The following SLC25A25 variants were observed in gnomAD, a reference collection of about 807,000 sequenced individuals.
SLC25A25 encodes the protein mitochondrial adenyl nucleotide antiporter SLC25A25.
In SLC25A25, 32 loss-of-function variants were observed where a neutral mutation model predicts 57.7. The ratio of observed to expected loss-of-function variants is 0.55; its 90% confidence interval spans 0.42 to 0.74. SLC25A25 has a LOEUF of 0.74. Among genes scored for constraint, SLC25A25 ranks in the 30% least tolerant of loss-of-function variants. SLC25A25 has a pLI of 0.00. For missense variants in SLC25A25, 556 were observed against 701.3 expected (o/e 0.79, Z 2.34); for synonymous variants, 306 against 291.2 (o/e 1.05, Z -0.52).
intron 1 of SLC25A25, among the ~76,000 whole-genome samples, chr9:128,087,726 GTTTGT>G (rs936195835): frequency 6.6e-6 from 1 of 152,138 alleles, no homozygotes; most frequent in African/African-American, 2.4e-5. Flanking sequence ...CCAGTGCTCT[GTTTGT>G]TTTGTTTCCT....
In SLC25A25 at chr9:128,103,606, A is replaced by G. The variant is rs1159311032; in HGVS notation, c.625-75A>G. Reference sequence around the variant, plus strand: ...GGTCCCTGGCCTGGAGCCGTGCTAGAGGGTAGACGGCGACAGGTGCCAGCA... The same window carrying G: ...GGTCCCTGGCCTGGAGCCGTGCTAGGGGGTAGACGGCGACAGGTGCCAGCA... On this transcript the variant is annotated intron_variant, in intron 5 of 10. Coordinates refer to ENST00000373069, the MANE Select transcript of SLC25A25 (RefSeq NM_001330988.2). This position sits in a 1 kb window ranked among gnomAD's most constrained non-coding sequence, Gnocchi z 6.7. The G allele has an allele frequency of 3.8e-6, 6 of 1,593,994 alleles. No homozygotes were observed. Among genetic ancestry groups the G allele is most frequent in the African/African-American group, 1.3e-5 (1 of 74,474 alleles).
intron 1 of SLC25A25, among the ~76,000 whole-genome samples, chr9:128,073,052 T>C (rs1486923199): frequency 1.3e-5 from 2 of 152,132 alleles, no homozygotes; most frequent in East Asian, 3.9e-4. Flanking sequence ...CAAAAATTTG[T>C]TAAGTAAGCA....
intron 1 of SLC25A25, among the ~76,000 whole-genome samples, chr9:128,075,472 C>CAG (rs1359281533): frequency 6.6e-6 from 1 of 151,868 alleles, no homozygotes; most frequent in Non-Finnish European, 1.5e-5. Flanking sequence ...CGCTTGAGCT[C>CAG]AGGAGTTCAA....
Position 128,103,576 on chromosome 9 carries a change from C to T in SLC25A25, c.625-105C>T. 6.9e-7 allele frequency: 1 copy of T among 1,443,232 alleles called. No individual in the cohort carries two copies. Among genetic ancestry groups the T allele is most frequent in the Non-Finnish European group, 9.6e-7 (1 of 1,037,358 alleles). The allele number at this position is 1,443,232 out of a possible 1,614,324, so 89.4% of individuals were successfully genotyped here. On this transcript the variant is annotated intron_variant, in intron 5 of 10. Coordinates refer to ENST00000373069, the MANE Select transcript of SLC25A25 (RefSeq NM_001330988.2). The surrounding 1 kb of genome is among the most constrained non-coding windows in gnomAD (Gnocchi z 6.7). ...CCAGAGTCCTTGGCCTTCTCCCTGT[C>T]CTGTGGTCCCTGGCCTGGAGCCGTG...
chr9:128,071,278 G>A (rs1832902893), intron 1 of SLC25A25, among the ~76,000 whole-genome samples: 1 of 152,136 alleles, frequency 6.6e-6, no homozygotes, highest in Non-Finnish European at 1.5e-5. Flanking sequence ...AGAGAGCCTA[G>A]CCCCTTGGGG....
intron 1 of SLC25A25, among the ~76,000 whole-genome samples, chr9:128,096,557 T>A (rs543052561): frequency 6.6e-6 from 1 of 152,344 alleles, no homozygotes; most frequent in Non-Finnish European, 1.5e-5. Flanking sequence ...TTGAATATAA[T>A]GCCCTGACAA....
chr9:128,091,845 A>G, intron 1 of SLC25A25: 1 of 1,588,568 alleles, frequency 6.3e-7, no homozygotes, highest in Non-Finnish European at 8.6e-7. Flanking sequence ...AACAGTCGCC[A>G]TCAGAGGCGT....
At position 128,102,347 on chromosome 9, in the gene SLC25A25, G is replaced by A; in HGVS notation, c.513-23G>A. ...GGCGGATGGGCATGTGGGCACGTGG[G>A]CAGCCTCGCCTCTGTCTTGCAGCAT... On this transcript the variant is annotated intron_variant, in intron 4 of 10. Transcript: ENST00000373069. This position sits in a 1 kb window ranked among gnomAD's most constrained non-coding sequence, Gnocchi z 4.1. 6.2e-7 allele frequency: 1 copy of A among 1,601,900 alleles called. No homozygotes were observed. The highest frequency in any genetic ancestry group is 8.6e-7 in the Non-Finnish European group (1 of 1,169,346).
At position 128,102,244 on chromosome 9, in the gene SLC25A25, G is replaced by C. The variant is rs929895503; in HGVS notation, c.513-126G>C. 24 of 1,412,216 alleles carry C rather than the reference G, an allele frequency of 1.7e-5. No homozygotes were observed. The African/African-American group carries it at 2.7e-4, about 16-fold the overall frequency. The allele number at this position is 1,412,216 out of a possible 1,614,324, so 87.5% of individuals were successfully genotyped here. A position where few individuals can be genotyped will look rare whatever the true frequency, so the allele number is the denominator to read the frequency against. ...GTGGAGCCCCCTGCTCTTTCTCCTGGGGGCAGAGGCACCTCGTGTGGTTTC... is the reference window on the plus strand; with the variant it reads ...GTGGAGCCCCCTGCTCTTTCTCCTGCGGGCAGAGGCACCTCGTGTGGTTTC... On this transcript the variant is annotated intron_variant, in intron 4 of 10. Coordinates refer to ENST00000373069, the MANE Select transcript of SLC25A25 (RefSeq NM_001330988.2). The surrounding 1 kb of genome is among the most constrained non-coding windows in gnomAD (Gnocchi z 4.1).
chr9:128,094,778 A>G (rs1833512454), intron 1 of SLC25A25, among the ~76,000 whole-genome samples: 1 of 152,210 alleles, frequency 6.6e-6, no homozygotes, highest in Non-Finnish European at 1.5e-5. Flanking sequence ...GAACAAGGAA[A>G]GCTTTTGGTG....
chr9:128,100,766 G>C, intron 1 of SLC25A25: 1 of 302,776 alleles, frequency 3.3e-6, no homozygotes, highest in Non-Finnish European at 6.3e-6. Flanking sequence ...TGTACGGCAC[G>C]CAGGTCTTCA....
At chr9:128,097,303 G>A (rs1157193779) in intron 1 of SLC25A25, among the ~76,000 whole-genome samples, 1 of 152,202 alleles carries the variant, frequency 6.6e-6, no homozygotes, top group Non-Finnish European at 1.5e-5. Context: ...AGAGAGGGTC[G>A]TCCTGCCCTG....
At chr9:128,087,710 C>T (rs1004006401) in intron 1 of SLC25A25, among the ~76,000 whole-genome samples, 5 of 152,208 alleles carry the variant, frequency 3.3e-5, no homozygotes, top group African/African-American at 7.2e-5. Flanking sequence ...GTCATCCCAC[C>T]GCTCACCAGT....
At position 128,101,204 on chromosome 9, in the gene SLC25A25, T is replaced by C. The variant is rs1352997814; in HGVS notation, c.370T>C (p.Leu124=). 1.2e-6 allele frequency: 2 copies of C among 1,614,236 alleles called. No individual in the cohort carries two copies. The highest frequency in any genetic ancestry group is 1.3e-5 in the African/African-American group (1 of 75,060). Residue 124 remains leucine (L), a synonymous_variant, in exon 2 of 11, where the codon TTG becomes CTG. Coordinates refer to ENST00000373069, the MANE Select transcript of SLC25A25 (RefSeq NM_001330988.2). This position sits in a 1 kb window ranked among gnomAD's most constrained non-coding sequence, Gnocchi z 4.9. ...EKKLRLVFKS[L]DKKNDGRIDA... Reference sequence around the variant, plus strand: ...GAAGCTGAGGCTGGTGTTTAAGAGTTTGGACAAAAAGAATGATGGTAAGTG... The same window carrying C: ...GAAGCTGAGGCTGGTGTTTAAGAGTCTGGACAAAAAGAATGATGGTAAGTG...
chr9:128,105,508 A>C (rs1419829485), intron 6 of SLC25A25, among the ~76,000 whole-genome samples: 1 of 152,100 alleles, frequency 6.6e-6, no homozygotes, highest in East Asian at 1.9e-4. Flanking sequence ...GGAGATGTTC[A>C]GGACAAGGCT....
At position 128,107,958 on chromosome 9, in the gene SLC25A25, T is replaced by C. The variant is rs1195084817; in HGVS notation, c.*514T>C. ...TGATGAAAGGTGAGGTCACGTGGCCTCCCAGGCCTGACTTCCCAACCTACA... is the reference window on the plus strand; with the variant it reads ...TGATGAAAGGTGAGGTCACGTGGCCCCCCAGGCCTGACTTCCCAACCTACA... On this transcript the variant is annotated 3_prime_UTR_variant, in exon 11 of 11. Coordinates refer to ENST00000373069, the MANE Select transcript of SLC25A25 (RefSeq NM_001330988.2). The C allele has an allele frequency of 1.0e-5, 4 of 398,904 alleles. No individual in the cohort carries two copies. Among genetic ancestry groups the C allele is most frequent in the Non-Finnish European group, 1.8e-5 (4 of 226,380 alleles). The allele number at this position is 398,904 out of a possible 1,614,324, so 24.7% of individuals were successfully genotyped here.
At chr9:128,083,827 T>G (rs1833216458) in intron 1 of SLC25A25, among the ~76,000 whole-genome samples, 1 of 152,064 alleles carries the variant, frequency 6.6e-6, no homozygotes, top group African/African-American at 2.4e-5. Context: ...TGAGTGTTAA[T>G]ATTTCTAAGA....
intron 1 of SLC25A25, among the ~76,000 whole-genome samples, chr9:128,087,506 G>A (rs1161870818): frequency 6.6e-6 from 1 of 152,144 alleles, no homozygotes; most frequent in Non-Finnish European, 1.5e-5. Context: ...TATCACTGGT[G>A]TTCCGAAATT....
At chr9:128,079,446 T>C (rs1445218040) in intron 1 of SLC25A25, among the ~76,000 whole-genome samples, 1 of 114,986 alleles carries the variant, frequency 8.7e-6, no homozygotes, top group South Asian at 2.8e-4. Flanking sequence ...GGAGAGAGGG[T>C]AGTTTAGATC....
Sources: gnomAD v4.1 joint callset for allele counts (sites outside exome capture counted in the v4.1 genomes callset) on GRCh38, gnomAD v4.1.1 for gene constraint, Gnocchi (gnomAD v3.1) non-coding constraint, MANE v1.5 for transcripts, NCBI Gene and HGNC (gene_info 2026-07-23, HGNC 2026-07-21) for gene names.